Variants in SYNPR observed in about 807,000 individuals in gnomAD.
The protein encoded by SYNPR is synaptoporin.
Under a neutral mutation model 32.9 loss-of-function variants are expected in SYNPR, and 23 were observed. The observed-to-expected ratio is 0.70, with a 90% CI of 0.50 to 0.99. The LOEUF is 0.99. Ranked by LOEUF, SYNPR falls within the 50% of genes least tolerant of loss-of-function variation. The pLI is 0.00. For synonymous variants in SYNPR, 146 were observed against 135.9 expected (o/e 1.07, Z -0.52); for missense variants, 318 against 349.3 (o/e 0.91, Z 0.71).
At chr3:63,601,655 A>G (rs1197566427) in intron 4 of SYNPR, among the ~76,000 whole-genome samples, 2 of 152,288 alleles carry the variant, frequency 1.3e-5, no homozygotes, top group East Asian at 1.9e-4. Flanking sequence ...AGCTCCATCT[A>G]TGTTGCTACA....
chr3:63,321,588 T>A (rs1269311811), intron 2 of SYNPR, among the ~76,000 whole-genome samples: 1 of 152,016 alleles, frequency 6.6e-6, no homozygotes, highest in Non-Finnish European at 1.5e-5. Flanking sequence ...AAAAATGGAG[T>A]CTGTACTTTA....
At chr3:63,422,466 T>C (rs1699817062) in intron 2 of SYNPR, among the ~76,000 whole-genome samples, 1 of 152,154 alleles carries the variant, frequency 6.6e-6, no homozygotes. Flanking sequence ...CAAGGAAACT[T>C]AGAGGTGACG....
intron 1 of SYNPR, among the ~76,000 whole-genome samples, chr3:63,235,490 G>A (rs371784863): frequency 6.6e-6 from 1 of 152,174 alleles, no homozygotes; most frequent in East Asian, 1.9e-4. Context: ...CTGCTGGATT[G>A]TCTGTTAACC....
intron 2 of SYNPR, among the ~76,000 whole-genome samples, chr3:63,285,029 C>T (rs919923061): frequency 6.6e-6 from 1 of 152,202 alleles, no homozygotes; most frequent in Non-Finnish European, 1.5e-5. Context: ...TTAAATGCTA[C>T]ACTCCTGCTT....
chr3:63,230,283 A>T (rs1468245867), intron 1 of SYNPR, among the ~76,000 whole-genome samples: 1 of 152,112 alleles, frequency 6.6e-6, no homozygotes, highest in Non-Finnish European at 1.5e-5. Flanking sequence ...TCCTTTTTAG[A>T]TATTTGCTAT....
At chr3:63,207,304 C>G in the SYNPR span, among the ~76,000 whole-genome samples, 696 of 152,248 alleles carry the variant, frequency 4.6e-3, 2 homozygotes, top group African/African-American at 0.016. Flanking sequence ...TAATTTTCCT[C>G]TATAAAGCAT....
At chr3:63,420,372 T>C (rs377607248) in intron 2 of SYNPR, among the ~76,000 whole-genome samples, 45 of 152,190 alleles carry the variant, frequency 3.0e-4, no homozygotes, top group African/African-American at 1.1e-3. Flanking sequence ...AGTAATCAAA[T>C]ACACAAGTGC....
intron 3 of SYNPR, among the ~76,000 whole-genome samples, chr3:63,537,580 T>C: frequency 6.6e-6 from 1 of 152,134 alleles, no homozygotes; most frequent in African/African-American, 2.4e-5. Context: ...TGGTGGCAAT[T>C]AGAAATGTTT....
intron 2 of SYNPR, among the ~76,000 whole-genome samples, chr3:63,454,453 C>A (rs1461723120): frequency 6.6e-6 from 1 of 152,106 alleles, no homozygotes; most frequent in Admixed American, 6.6e-5. Flanking sequence ...AGGTTTATGA[C>A]CCTTAATACT....
chr3:63,547,656 A>G (rs1012094976), intron 3 of SYNPR, among the ~76,000 whole-genome samples: 28 of 152,278 alleles, frequency 1.8e-4, no homozygotes, highest in African/African-American at 6.5e-4. Context: ...AGTGAGAGTC[A>G]GTTGCTAGAA....
intron 2 of SYNPR, among the ~76,000 whole-genome samples, chr3:63,449,119 A>G (rs1700334355): frequency 6.6e-6 from 1 of 152,216 alleles, no homozygotes; most frequent in African/African-American, 2.4e-5. Context: ...AGAAGGGAAA[A>G]AAGCTTTGAA....
intron 2 of SYNPR, among the ~76,000 whole-genome samples, chr3:63,362,691 C>T (rs2087676635): frequency 6.6e-6 from 1 of 152,030 alleles, no homozygotes; most frequent in Admixed American, 6.6e-5. Flanking sequence ...GACAGGGAGG[C>T]CTAACCTAAC....
intron 3 of SYNPR, among the ~76,000 whole-genome samples, chr3:63,515,732 G>A (rs1482694799): frequency 1.3e-5 from 2 of 152,054 alleles, no homozygotes; most frequent in Admixed American, 6.6e-5. Flanking sequence ...AGAGAATTTG[G>A]ATAATTCAGA....
chr3:63,483,656 G>T (rs1294328516), intron 3 of SYNPR, among the ~76,000 whole-genome samples: 1 of 152,122 alleles, frequency 6.6e-6, no homozygotes, highest in African/African-American at 2.4e-5. Context: ...CTTCCAGTGA[G>T]ATGAAATGAT....
chr3:63,503,124 G>C (rs1372695564), intron 3 of SYNPR, among the ~76,000 whole-genome samples: 2 of 151,998 alleles, frequency 1.3e-5, no homozygotes, highest in African/African-American at 4.8e-5. Context: ...CAGTGTTCTG[G>C]ATTTTTGCCA....
At chr3:63,386,918 G>A (rs1270647870) in intron 2 of SYNPR, among the ~76,000 whole-genome samples, 2 of 152,198 alleles carry the variant, frequency 1.3e-5, no homozygotes, top group Admixed American at 6.5e-5. Context: ...TCTGCTGAGT[G>A]GCCTCTGCTC....
rs1007136969 is a variant in SYNPR at position 63,406,459 on chromosome 3, G to A, written c.85-74373G>A. Among the ~76,000 whole-genome samples the A allele has an allele frequency of 3.3e-5, 5 of 151,994 alleles. No individual in the cohort carries two copies. The South Asian group carries it at 1.0e-3, about 32-fold the overall frequency. ...ATCTTCCAAGGACTCTAGGAAGTAG[G>A]TGATGTGATTCCATTTTTTTTTTTT... On this transcript the variant is annotated intron_variant, in intron 2 of 5. Coordinates refer to ENST00000478300, the MANE Select transcript of SYNPR (RefSeq NM_001130003.2).
At chr3:63,487,841 T>C (rs1405264640) in intron 3 of SYNPR, among the ~76,000 whole-genome samples, 1 of 152,204 alleles carries the variant, frequency 6.6e-6, no homozygotes, top group Non-Finnish European at 1.5e-5. Context: ...TGAGGCTTAG[T>C]CTGATCTTTG....
intron 4 of SYNPR, among the ~76,000 whole-genome samples, chr3:63,569,834 T>C (rs1301618644): frequency 6.6e-6 from 1 of 152,196 alleles, no homozygotes; most frequent in Non-Finnish European, 1.5e-5. Flanking sequence ...ATAATGGAAT[T>C]CTTTATAAGT....
Sources: gnomAD v4.1 joint callset for allele counts (sites outside exome capture counted in the v4.1 genomes callset) on GRCh38, gnomAD v4.1.1 for gene constraint, MANE v1.5 for transcripts, NCBI Gene and HGNC (gene_info 2026-07-23, HGNC 2026-07-21) for gene names.